The following ADCY1 variants were observed in gnomAD, a reference collection of about 807,000 sequenced individuals.
ADCY1 encodes the protein adenylate cyclase 1.
In ADCY1, 28 loss-of-function variants were observed where a neutral mutation model predicts 105.4. That is an observed-to-expected ratio of 0.27 (90% CI 0.20 to 0.36). ADCY1 has a LOEUF of 0.36. Among genes scored for constraint, ADCY1 ranks in the 10% least tolerant of loss-of-function variants. The pLI is 1.00. For missense variants in ADCY1, 977 were observed against 1,434.2 expected, an observed-to-expected ratio of 0.68 and a Z score of 5.15; for synonymous variants, 655 against 623.8, an observed-to-expected ratio of 1.05 and a Z score of -0.75.
At position 45,582,717 on chromosome 7, in the gene ADCY1, T is replaced by A. The variant is rs149175902; in HGVS notation, c.639+7535T>A. ...AGGCTGATCTGGGCTCTTCTCTCAG[T>A]GGAGCATGGGGTGTCTTCTGCAGTA... On this transcript the variant is annotated intron_variant, in intron 1 of 19. Coordinates refer to ENST00000297323, the MANE Select transcript of ADCY1 (RefSeq NM_021116.4). Among the ~76,000 whole-genome samples, 11 of 152,308 alleles carry A rather than the reference T, an allele frequency of 7.2e-5. No homozygotes were observed. In the East Asian group the frequency reaches 1.9e-3, roughly 27 times the overall value.
At position 45,591,511 on chromosome 7, in the gene ADCY1, A is replaced by G. The variant is rs1340485297; in HGVS notation, c.640-1248A>G. Among the ~76,000 whole-genome samples the G allele has an allele frequency of 1.3e-5, 2 of 152,362 alleles. No homozygotes were observed. Among genetic ancestry groups the G allele is most frequent in the African/African-American group, 4.8e-5 (2 of 41,588 alleles). On this transcript the variant is annotated intron_variant, in intron 1 of 19. Transcript: ENST00000297323. The surrounding 1 kb of genome is among the most constrained non-coding windows in gnomAD (Gnocchi z 4.1). ...TGTTTGTGGTTAATCTGTGTGGAGC[A>G]GTGACAGCCGGAGCCTGCAGGTTTC...
intron 6 of ADCY1, 70 bp from the exon 7 acceptor site, chr7:45,659,971 CT>C (rs1460314938): frequency 2.5e-6 from 4 of 1,584,244 alleles, no homozygotes; most frequent in Middle Eastern, 1.7e-4. Flanking sequence ...CCCTTCCCCT[CT>C]GGTAAGGCCC....
intron 3 of ADCY1, among the ~76,000 whole-genome samples, chr7:45,613,122 T>C (rs565193211): frequency 1.4e-4 from 21 of 152,314 alleles, no homozygotes; most frequent in Admixed American, 3.3e-4. Context: ...AACTGACTAA[T>C]GAAACAGAGT....
intron 8 of ADCY1, among the ~76,000 whole-genome samples, chr7:45,663,489 G>A (rs1437444192): frequency 6.6e-6 from 1 of 152,186 alleles, no homozygotes; most frequent in Non-Finnish European, 1.5e-5. Context: ...TGGCGGTGTT[G>A]CACAAGGGCC....
chr7:45,707,001 T>C (rs548148240), intron 17 of ADCY1, among the ~76,000 whole-genome samples: 1 of 152,234 alleles, frequency 6.6e-6, no homozygotes, highest in South Asian at 2.1e-4. Flanking sequence ...AAAACAACAA[T>C]AAAATATCAC....
intron 8 of ADCY1, among the ~76,000 whole-genome samples, chr7:45,672,356 T>TA (rs1362494622): frequency 5.9e-5 from 9 of 152,170 alleles, no homozygotes; most frequent in Admixed American, 5.2e-4. Flanking sequence ...GTATAAGTCT[T>TA]AAAATCAGGT....
At chr7:45,690,851 C>T (rs989149666) in intron 14 of ADCY1, among the ~76,000 whole-genome samples, 1 of 152,260 alleles carries the variant, frequency 6.6e-6, no homozygotes, top group African/African-American at 2.4e-5. Flanking sequence ...ACCCAGCCAT[C>T]AGCTGGCCTC....
chr7:45,670,698 A>G (rs1167869968), intron 8 of ADCY1, among the ~76,000 whole-genome samples: 2 of 151,970 alleles, frequency 1.3e-5, no homozygotes, highest in African/African-American at 2.4e-5. Flanking sequence ...CCCTGACCAC[A>G]GGGAGGATCT....
intron 11 of ADCY1, 33 bp downstream of exon 11, chr7:45,679,826 A>G: frequency 1.2e-6 from 2 of 1,608,520 alleles, no homozygotes; most frequent in Non-Finnish European, 1.7e-6. Flanking sequence ...GTACCTGCAT[A>G]TCACCTGGTT....
intron 11 of ADCY1, chr7:45,684,247 A>C (rs760281001): frequency 2.6e-5 from 4 of 152,298 alleles, no homozygotes; most frequent in African/African-American, 4.8e-5. Context: ...GTCCTTGTCC[A>C]TAGAAGAAGT....
At chr7:45,674,772 C>T (rs573149939) in intron 8 of ADCY1, among the ~76,000 whole-genome samples, 2 of 152,264 alleles carry the variant, frequency 1.3e-5, no homozygotes, top group South Asian at 2.1e-4. Flanking sequence ...TTTACATTGA[C>T]TCTTTAATCA....
intron 4 of ADCY1, among the ~76,000 whole-genome samples, chr7:45,642,748 G>C (rs1245250415): frequency 6.6e-6 from 1 of 152,132 alleles, no homozygotes; most frequent in Non-Finnish European, 1.5e-5. Context: ...GTCCATCAAT[G>C]GTCTCCCATC....
At chr7:45,682,795 G>A (rs187105456) in intron 11 of ADCY1, among the ~76,000 whole-genome samples, 184 of 152,286 alleles carry the variant, frequency 1.2e-3, no homozygotes, top group Non-Finnish European at 2.1e-3. Context: ...GGTAGGTGGT[G>A]GAAGGAAGAT....
Position 45,676,050 on chromosome 7 carries a change from T to TTTG in ADCY1, c.1606-1817_1606-1816insGTT, listed in dbSNP as rs201840049. Among the ~76,000 whole-genome samples, 1,613 of 150,974 alleles carry TTTG rather than the reference T, an allele frequency of 0.011. 53 individuals carry two copies. In the East Asian group the frequency reaches 0.13, roughly 12 times the overall value. On this transcript the variant is annotated intron_variant, in intron 8 of 19. Coordinates refer to ENST00000297323, the MANE Select transcript of ADCY1 (RefSeq NM_021116.4). The stretch of plus-strand genomic sequence containing the variant: ...CACAGTTCCAAAGGCTCTGTTTTGT[T>TTTG]TTTTTTTTTTAAGTCTGTTTTCTTT...
chr7:45,654,033 C>T (rs1170710444), intron 5 of ADCY1, among the ~76,000 whole-genome samples: 1 of 152,194 alleles, frequency 6.6e-6, no homozygotes, highest in Non-Finnish European at 1.5e-5. Context: ...GTGTTTGCAT[C>T]TCTGAGTTGT....
At chr7:45,709,165 G>A (rs546151421) in intron 18 of ADCY1, among the ~76,000 whole-genome samples, 1 of 152,302 alleles carries the variant, frequency 6.6e-6, no homozygotes, top group South Asian at 2.1e-4. Flanking sequence ...AGAGCATGTG[G>A]AGTTCTGATG....
chr7:45,704,236 C>T (rs1584343894), intron 16 of ADCY1, among the ~76,000 whole-genome samples: 1 of 152,124 alleles, frequency 6.6e-6, no homozygotes, highest in African/African-American at 2.4e-5. Flanking sequence ...CCCACCCCGA[C>T]AGCCAGCCAG....
At chr7:45,620,313 T>C (rs1793856963) in intron 3 of ADCY1, among the ~76,000 whole-genome samples, 1 of 152,112 alleles carries the variant, frequency 6.6e-6, no homozygotes, top group Non-Finnish European at 1.5e-5. Flanking sequence ...ATTTTACCTA[T>C]AGTCAACAAT....
intron 14 of ADCY1, among the ~76,000 whole-genome samples, chr7:45,694,214 A>G (rs1398418286): frequency 1.3e-5 from 2 of 152,166 alleles, no homozygotes; most frequent in African/African-American, 2.4e-5. Flanking sequence ...ATTCTATTCA[A>G]GAGCACATAA....
Sources: allele counts gnomAD v4.1 joint callset (sites outside exome capture counted in the v4.1 genomes callset), GRCh38; gene constraint gnomAD v4.1.1; non-coding constraint Gnocchi (gnomAD v3.1); transcripts MANE v1.5; gene names NCBI Gene and HGNC (gene_info 2026-07-23, HGNC 2026-07-21).